LRP1B: variants seen among roughly 807,000 people sequenced by gnomAD.
LRP1B encodes the protein LDL receptor related protein 1B.
In LRP1B, 217 loss-of-function variants were observed where a neutral mutation model predicts 556.6. That is an observed-to-expected ratio of 0.39 (90% CI 0.35 to 0.44). The LOEUF (loss-of-function observed/expected upper bound fraction) is 0.44, where lower values mean the gene tolerates loss of function less well. Ranked by LOEUF, LRP1B falls within the 20% of genes least tolerant of loss-of-function variation. LRP1B has a pLI of 1.00. For synonymous variants in LRP1B, 2,047 were observed against 1,865.8 expected (o/e 1.10, Z -2.50); for missense variants, 5,053 against 5,620.8 (o/e 0.90, Z 3.23).
intron 87 of LRP1B, among the ~76,000 whole-genome samples, chr2:140,243,715 CA>C (rs1681044207): frequency 6.6e-6 from 1 of 151,162 alleles, no homozygotes; most frequent in Non-Finnish European, 1.5e-5. Flanking sequence ...TCTCTAACTT[CA>C]CTTTGTACCA....
At chr2:141,481,145 G>A (rs770473941) in intron 2 of LRP1B, among the ~76,000 whole-genome samples, 1 of 152,168 alleles carries the variant, frequency 6.6e-6, no homozygotes, top group Non-Finnish European at 1.5e-5. Context: ...GTGAAAGAAA[G>A]GGCATACTCA....
intron 85 of LRP1B, among the ~76,000 whole-genome samples, chr2:140,271,230 G>C (rs1003193066): frequency 1.3e-5 from 2 of 151,792 alleles, no homozygotes; most frequent in African/African-American, 2.4e-5. Flanking sequence ...AATTATCCCG[G>C]GACCTACTCT....
intron 46 of LRP1B, among the ~76,000 whole-genome samples, chr2:140,535,834 T>G (rs1272667397): frequency 2.0e-5 from 3 of 152,156 alleles, no homozygotes; most frequent in African/African-American, 7.2e-5. Context: ...ATGTTGACTA[T>G]CACTTGGTGT....
At chr2:140,244,367 C>G (rs1395829450) in intron 87 of LRP1B, among the ~76,000 whole-genome samples, 1 of 151,216 alleles carries the variant, frequency 6.6e-6, no homozygotes, top group African/African-American at 2.4e-5. Flanking sequence ...AATACAGCAT[C>G]TCTACATTAC....
At chr2:142,032,957 T>C (rs1006057415) in intron 1 of LRP1B, among the ~76,000 whole-genome samples, 22 of 151,856 alleles carry the variant, frequency 1.4e-4, no homozygotes, top group Non-Finnish European at 1.9e-4. Flanking sequence ...GAAAATCTTT[T>C]GACCTAGCTC....
At chr2:140,551,052 C>T (rs775035327) in intron 43 of LRP1B, among the ~76,000 whole-genome samples, 1 of 152,070 alleles carries the variant, frequency 6.6e-6, no homozygotes, top group African/African-American at 2.4e-5. Context: ...AGCGGTAAAG[C>T]CATCACTAGA....
chr2:140,773,409 C>T (rs1573698741), intron 33 of LRP1B, among the ~76,000 whole-genome samples: 1 of 151,980 alleles, frequency 6.6e-6, no homozygotes, highest in African/African-American at 2.4e-5. Context: ...ACAGAAGTTG[C>T]AGTGAGCTGA....
In LRP1B at chr2:140,705,804, A is replaced by G. The variant is rs1025727084; in HGVS notation, c.6024-3251T>C. 2.0e-5 allele frequency among the ~76,000 whole-genome samples: 3 copies of G among 152,242 alleles called. No individual in the cohort carries two copies. In the East Asian group the frequency reaches 5.8e-4, roughly 29 times the overall value. On this transcript the variant is annotated intron_variant, in intron 37 of 90. Transcript: ENST00000389484. ...ATTAGATATGGTATCATTATATGTG[A>G]AGCCAAATCTTTCTGTGTAGGACTC...
At chr2:141,564,713 A>G (rs1686272373) in intron 2 of LRP1B, among the ~76,000 whole-genome samples, 1 of 152,124 alleles carries the variant, frequency 6.6e-6, no homozygotes, top group South Asian at 2.1e-4. Flanking sequence ...ACAAAGGACA[A>G]GAGAAATGAT....
Position 140,353,065 on chromosome 2 carries a change from A to G in LRP1B, c.11538T>C (p.Asn3846=), listed in dbSNP as rs751663699. 24 of 1,612,726 alleles carry G rather than the reference A, an allele frequency of 1.5e-5. No individual in the cohort carries two copies. Among genetic ancestry groups the G allele is most frequent in the South Asian group, 6.6e-5 (6 of 91,026 alleles). The change falls in exon 76 of 91, where the codon AAT becomes AAC. Residue 3846 remains asparagine (N), a synonymous_variant. Transcript: ENST00000389484. ...AACATGTGCCAAACACCAAACATTC[A>G]TTAAGGTCTAGAAAAGAAGAGCTCA... ...NMKNRQCEDL[N]ECLVFGTCSH...
In LRP1B at chr2:140,978,734, G is replaced by T. The variant is rs555953094; in HGVS notation, c.2887+3426C>A. On this transcript the variant is annotated intron_variant, in intron 18 of 90. Coordinates refer to ENST00000389484, the MANE Select transcript of LRP1B (RefSeq NM_018557.3). ...CAGCTTCTCTTCTGATGTAAATTTT[G>T]ATTTTAAATAACAATCTGAAAGGTA... 2.0e-5 allele frequency among the ~76,000 whole-genome samples: 3 copies of T among 152,088 alleles called. No homozygotes were observed. The South Asian group carries it at 6.2e-4, about 31-fold the overall frequency.
At chr2:142,076,738 G>A (rs1184358015) in intron 1 of LRP1B, among the ~76,000 whole-genome samples, 1 of 152,104 alleles carries the variant, frequency 6.6e-6, no homozygotes, top group Non-Finnish European at 1.5e-5. Context: ...AATCTCCGAA[G>A]AGGAGTCTTT....
At chr2:141,522,711 G>A (rs776988175) in intron 2 of LRP1B, among the ~76,000 whole-genome samples, 2 of 152,090 alleles carry the variant, frequency 1.3e-5, no homozygotes, top group Non-Finnish European at 2.9e-5. Flanking sequence ...ATGTGTGGGT[G>A]GCTTAATGGA....
At chr2:140,549,950 T>A (rs1255693644) in intron 43 of LRP1B, among the ~76,000 whole-genome samples, 1 of 152,042 alleles carries the variant, frequency 6.6e-6, no homozygotes. Context: ...GGTGGCTTGC[T>A]GCACCCATCA....
chr2:141,827,902 T>A (rs1696990467), intron 1 of LRP1B, among the ~76,000 whole-genome samples: 1 of 151,968 alleles, frequency 6.6e-6, no homozygotes, highest in South Asian at 2.1e-4. Context: ...GACATATATT[T>A]ATATACCCTT....
intron 1 of LRP1B, among the ~76,000 whole-genome samples, chr2:141,950,514 G>T (rs150654374): frequency 6.6e-6 from 1 of 152,036 alleles, no homozygotes; most frequent in Non-Finnish European, 1.5e-5. Flanking sequence ...TCAATTGTTT[G>T]AATTATATAG....
At chr2:141,017,582 T>C (rs976212412) in intron 12 of LRP1B, among the ~76,000 whole-genome samples, 9 of 152,000 alleles carry the variant, frequency 5.9e-5, no homozygotes, top group South Asian at 4.1e-4. Flanking sequence ...CTAAAATTAT[T>C]TTTATTTAAA....
At chr2:142,028,214 C>T (rs1703571733) in intron 1 of LRP1B, among the ~76,000 whole-genome samples, 1 of 151,930 alleles carries the variant, frequency 6.6e-6, no homozygotes, top group African/African-American at 2.4e-5. Flanking sequence ...AATAAACGCT[C>T]CCTTTTTGGT....
At chr2:140,305,978 C>T (rs1489404663) in intron 83 of LRP1B, among the ~76,000 whole-genome samples, 1 of 150,590 alleles carries the variant, frequency 6.6e-6, no homozygotes, top group Non-Finnish European at 1.5e-5. Context: ...TATGTTAAAC[C>T]AGCCTTGCAT....
Sources: allele counts gnomAD v4.1 joint callset (sites outside exome capture counted in the v4.1 genomes callset), GRCh38; gene constraint gnomAD v4.1.1; transcripts MANE v1.5; gene names NCBI Gene and HGNC (gene_info 2026-07-23, HGNC 2026-07-21).